PIN4: variants seen among roughly 807,000 people sequenced by gnomAD.
PIN4 encodes the protein peptidyl-prolyl cis-trans isomerase NIMA-interacting 4.
A neutral mutation model predicts 8.3 loss-of-function variants in PIN4; 3 were observed. The ratio of observed to expected loss-of-function variants is 0.36; its 90% CI spans 0.16 to 0.93. PIN4 has a LOEUF of 0.93. PIN4 is among the 40% of genes least tolerant of loss of function. PIN4 has a pLI of 0.44. For synonymous variants in PIN4, 18 were observed against 32.5 expected, an observed-to-expected ratio of 0.55 and a Z score of 1.52; for missense variants, 75 against 100.6, an observed-to-expected ratio of 0.75 and a Z score of 1.09.
intron 3 of PIN4, among the ~76,000 whole-genome samples, chrX:72,231,504 G>A (rs761722275): frequency 9.0e-6 from 1 of 111,008 alleles, no homozygotes; most frequent in Admixed American, 9.6e-5. Flanking sequence ...ACATCATGGT[G>A]ACTATTATTA....
intron 3 of PIN4, among the ~76,000 whole-genome samples, chrX:72,251,668 G>A (rs1602461068): frequency 9.0e-6 from 1 of 111,415 alleles, no homozygotes. Flanking sequence ...ACGTTCAAGT[G>A]GAGGAGAGGG....
intron 3 of PIN4, among the ~76,000 whole-genome samples, chrX:72,221,181 TTCTC>T (rs1490440942): frequency 8.9e-6 from 1 of 111,875 alleles, no homozygotes; most frequent in Non-Finnish European, 1.9e-5. Flanking sequence ...TCCTCCTCCC[TTCTC>T]TCTTTCTCTC....
chrX:72,197,550 T>C lies in PIN4; in HGVS notation c.*24T>C. ...AAAATCATATGAAAGACTGAATAAG[T>C]TTTATACATTTTGTTTCTTTAAAAG... On this transcript the variant is annotated 3_prime_UTR_variant, in exon 4 of 4. Transcript: ENST00000373669. The C allele has an allele frequency of 2.6e-6, 3 of 1,169,230 alleles. No individual in the cohort carries two copies. The highest frequency in any genetic ancestry group is 3.5e-6 in the Non-Finnish European group (3 of 862,054).
At chrX:72,262,176 C>T (rs950967011) in intron 3 of PIN4, among the ~76,000 whole-genome samples, 6 of 112,403 alleles carry the variant, frequency 5.3e-5, no homozygotes, top group African/African-American at 1.3e-4. Flanking sequence ...GGACTTAGGT[C>T]GTCAGTTTGA....
intron 3 of PIN4, chrX:72,207,599 T>C: frequency 8.3e-7 from 1 of 1,211,613 alleles, no homozygotes; most frequent in Non-Finnish European, 1.1e-6. Flanking sequence ...AACTCCTTGA[T>C]ATGATCTAAA....
chrX:72,226,785 A>G (rs912345696), intron 3 of PIN4, among the ~76,000 whole-genome samples: 2 of 111,591 alleles, frequency 1.8e-5, no homozygotes, highest in Admixed American at 1.9e-4. Flanking sequence ...AACTAATCAC[A>G]GCGGGGGCAC....
chrX:72,194,404 G>A lies in PIN4; in HGVS notation c.118-2381G>A, dbSNP rs146452781. On this transcript the variant is annotated intron_variant, in intron 2 of 3. Coordinates refer to ENST00000373669, the MANE Select transcript of PIN4 (RefSeq NM_006223.4). ...AAAACTTATCCAGGTGTGGTGGCGCGTGCCTGTAATCCCAGCTATTAGGGA... is the reference window on the plus strand; with the variant it reads ...AAAACTTATCCAGGTGTGGTGGCGCATGCCTGTAATCCCAGCTATTAGGGA... Among the ~76,000 whole-genome samples the A allele has an allele frequency of 3.1e-3, 342 of 111,344 alleles. 8 individuals carry two copies. In the East Asian group the frequency reaches 0.072, roughly 23 times the overall value.
intron 3 of PIN4, among the ~76,000 whole-genome samples, chrX:72,252,788 C>T (rs1484384211): frequency 8.9e-6 from 1 of 112,055 alleles, no homozygotes; most frequent in Non-Finnish European, 1.9e-5. Context: ...AATACCATCC[C>T]GTTTTGGGTT....
At chrX:72,186,121 A>G (rs759931420) in intron 1 of PIN4, 4 of 278,343 alleles carry the variant, frequency 1.4e-5, no homozygotes, top group Non-Finnish European at 2.6e-5. Flanking sequence ...TGTCCAACCC[A>G]CGGCCCACGG....
chrX:72,239,578 C>G (rs1190866974), intron 3 of PIN4, among the ~76,000 whole-genome samples: 1 of 110,863 alleles, frequency 9.0e-6, no homozygotes, highest in African/African-American at 3.3e-5. Context: ...CGAGACCAAC[C>G]TGGCTAAAAT....
intron 3 of PIN4, among the ~76,000 whole-genome samples, chrX:72,258,310 A>T (rs951973803): frequency 3.6e-5 from 4 of 111,978 alleles, no homozygotes; most frequent in Non-Finnish European, 5.6e-5. Flanking sequence ...TATGGCACAC[A>T]AAATTCCCAG....
At chrX:72,223,263 C>A (rs1230081580) in intron 3 of PIN4, among the ~76,000 whole-genome samples, 2 of 100,758 alleles carry the variant, frequency 2.0e-5, no homozygotes, top group Non-Finnish European at 4.0e-5. Context: ...TCACTTGAAC[C>A]TGGGAGGCGG....
intron 3 of PIN4, among the ~76,000 whole-genome samples, chrX:72,216,440 TATAAC>T (rs1414970600): frequency 1.8e-5 from 2 of 111,946 alleles, no homozygotes; most frequent in Non-Finnish European, 3.8e-5. Flanking sequence ...GTAAAATACA[TATAAC>T]ATAAAATTGC....
At chrX:72,244,212 A>G (rs1174046408) in intron 3 of PIN4, among the ~76,000 whole-genome samples, 3 of 111,908 alleles carry the variant, frequency 2.7e-5, no homozygotes, top group Non-Finnish European at 5.6e-5. Context: ...AACAATAATC[A>G]CACAAACACT....
chrX:72,239,783 A>G (rs890000440), intron 3 of PIN4, among the ~76,000 whole-genome samples: 2 of 103,994 alleles, frequency 1.9e-5, no homozygotes, highest in African/African-American at 7.0e-5. Context: ...AAAAAAAAAA[A>G]AAAAAAAAAA....
At chrX:72,213,115 C>T (rs2042865921) in intron 3 of PIN4, among the ~76,000 whole-genome samples, 2 of 112,045 alleles carry the variant, frequency 1.8e-5, no homozygotes, top group African/African-American at 3.2e-5. Context: ...CTAATCTCGG[C>T]GCATGTGAGT....
intron 3 of PIN4, among the ~76,000 whole-genome samples, chrX:72,231,282 CT>C (rs1240501913): frequency 9.0e-6 from 1 of 111,727 alleles, no homozygotes; most frequent in Non-Finnish European, 1.9e-5. Context: ...ATGAATGAAC[CT>C]AAAAGACATT....
chrX:72,206,596 G>A (rs865972418), intron 3 of PIN4: 1 of 1,208,980 alleles, frequency 8.3e-7, no homozygotes, highest in African/African-American at 1.8e-5. Flanking sequence ...CTCATTTCTA[G>A]TTCTTTGTTG....
chrX:72,197,779 T>C lies in PIN4; in HGVS notation c.*253T>C, dbSNP rs2042774449. Reference sequence around the variant, plus strand: ...GAAGTCAAGCAGACTCCCTTTAACCTGTATTCTCTTTCCTCCCAGAACTAT... The same window carrying C: ...GAAGTCAAGCAGACTCCCTTTAACCCGTATTCTCTTTCCTCCCAGAACTAT... On this transcript the variant is annotated 3_prime_UTR_variant, in exon 4 of 4. Transcript: ENST00000373669. The C allele has an allele frequency of 5.9e-6, 5 of 852,400 alleles. No homozygotes were observed. Among genetic ancestry groups the C allele is most frequent in the Admixed American group, 1.2e-4 (2 of 16,930 alleles). The allele number at this position is 852,400 out of a possible 1,213,427, so 70.2% of individuals were successfully genotyped here.
Sources: gnomAD v4.1 joint callset for allele counts (sites outside exome capture counted in the v4.1 genomes callset) on GRCh38, gnomAD v4.1.1 for gene constraint, MANE v1.5 for transcripts, NCBI Gene and HGNC (gene_info 2026-07-23, HGNC 2026-07-21) for gene names.